The following THSD4 variants were observed in gnomAD, a reference collection of about 807,000 sequenced individuals.
THSD4 encodes the protein thrombospondin type 1 domain containing 4.
In THSD4, 69 loss-of-function variants were observed where a neutral mutation model predicts 119.0. The ratio of observed to expected loss-of-function variants is 0.58; its 90% CI spans 0.48 to 0.71. The LOEUF (loss-of-function observed/expected upper bound fraction) is 0.71, where lower values mean the gene tolerates loss of function less well. Among genes scored for constraint, THSD4 ranks in the 30% least tolerant of loss-of-function variants. THSD4 has a pLI of 0.00. For missense variants in THSD4, 1,393 were observed against 1,391.1 expected (o/e 1.00, Z -0.02); for synonymous variants, 524 against 540.4 (o/e 0.97, Z 0.42).
At chr15:71,752,654 C>G (rs1387854736) in intron 14 of THSD4, among the ~76,000 whole-genome samples, 1 of 152,176 alleles carries the variant, frequency 6.6e-6, no homozygotes, top group African/African-American at 2.4e-5. Context: ...CCTGAGCCAG[C>G]TACTGATTCA....
intron 1 of THSD4, chr15:71,110,223 G>A (rs2040293397): frequency 6.6e-6 from 1 of 152,240 alleles, no homozygotes; most frequent in Non-Finnish European, 1.5e-5. Context: ...CTCCCAGGAA[G>A]GAAAAGGCAG....
At chr15:71,566,737 C>G (rs965226282) in intron 7 of THSD4, among the ~76,000 whole-genome samples, 3 of 151,866 alleles carry the variant, frequency 2.0e-5, no homozygotes, top group African/African-American at 4.8e-5. Context: ...CCAGGGCCCC[C>G]CCTCTTTCCC....
At chr15:71,579,904 GT>G (rs138949303) in intron 7 of THSD4, among the ~76,000 whole-genome samples, 22 of 148,382 alleles carry the variant, frequency 1.5e-4, no homozygotes, top group East Asian at 7.8e-4. Context: ...AAACGGTGGG[GT>G]TTTTTTTTTG....
intron 6 of THSD4, among the ~76,000 whole-genome samples, chr15:71,373,012 G>A (rs966765943): frequency 2.0e-5 from 3 of 152,234 alleles, no homozygotes; most frequent in Admixed American, 2.0e-4. Context: ...CCTCTTTCTT[G>A]TTATCTCTTT....
At chr15:71,319,096 C>G (rs999974060) in intron 6 of THSD4, among the ~76,000 whole-genome samples, 20 of 152,226 alleles carry the variant, frequency 1.3e-4, no homozygotes, top group Non-Finnish European at 4.4e-5. Flanking sequence ...TTGCAAAATA[C>G]TTCTCTTAAG....
At chr15:71,327,173 A>C (rs1267147379) in intron 6 of THSD4, among the ~76,000 whole-genome samples, 1 of 152,138 alleles carries the variant, frequency 6.6e-6, no homozygotes, top group African/African-American at 2.4e-5. Context: ...TCTGAAAAAC[A>C]AAACAAAAAA....
At chr15:71,510,623 C>G (rs1567014743) in intron 7 of THSD4, among the ~76,000 whole-genome samples, 1 of 152,160 alleles carries the variant, frequency 6.6e-6, no homozygotes, top group African/African-American at 2.4e-5. Flanking sequence ...ATGCTGCTGC[C>G]TGGATTAGGG....
At chr15:71,538,225 A>T (rs1471473563) in intron 7 of THSD4, among the ~76,000 whole-genome samples, 1 of 152,206 alleles carries the variant, frequency 6.6e-6, no homozygotes, top group Non-Finnish European at 1.5e-5. Flanking sequence ...TTCCTTTTAC[A>T]GTTTTCATAC....
intron 3 of THSD4, among the ~76,000 whole-genome samples, chr15:71,177,839 G>A (rs376490173): frequency 1.1e-4 from 17 of 148,402 alleles, no homozygotes; most frequent in South Asian, 2.2e-4. Context: ...TTCAATATAC[G>A]CAAATCAATA....
chr15:71,492,659 G>A (rs564901570), intron 7 of THSD4, among the ~76,000 whole-genome samples: 2 of 152,116 alleles, frequency 1.3e-5, no homozygotes, highest in Non-Finnish European at 2.9e-5. Context: ...GAGCCTGAAA[G>A]AAGGAAGCTT....
At chr15:71,584,114 G>A (rs2049612270) in intron 7 of THSD4, among the ~76,000 whole-genome samples, 1 of 151,798 alleles carries the variant, frequency 6.6e-6, no homozygotes, top group Non-Finnish European at 1.5e-5. Context: ...ATATTCTCTT[G>A]ATGATTCTCT....
chr15:71,433,803 ATGGCC>A (rs2046971731), intron 7 of THSD4, among the ~76,000 whole-genome samples: 2 of 152,146 alleles, frequency 1.3e-5, no homozygotes, highest in Non-Finnish European at 2.9e-5. Context: ...CCTGTAGCTG[ATGGCC>A]CAGGTGCTGC....
At chr15:71,101,719 A>AT (rs570225032) in intron 1 of THSD4, among the ~76,000 whole-genome samples, 29,984 of 144,810 alleles carry the variant, frequency 0.21, 3,329 homozygotes, top group African/African-American at 0.31. Context: ...TTTCTTTTTT[A>AT]TTTTTTTTTT....
At chr15:71,238,904 C>T (rs1271878458) in intron 4 of THSD4, among the ~76,000 whole-genome samples, 1 of 152,182 alleles carries the variant, frequency 6.6e-6, no homozygotes, top group Non-Finnish European at 1.5e-5. Context: ...ATTTTACCTA[C>T]CCACTAGGAA....
chr15:71,695,509 T>TGC lies in THSD4; in HGVS notation c.1358-33039_1358-33038insCG, dbSNP rs1555442525. 9.4e-4 allele frequency among the ~76,000 whole-genome samples: 142 copies of TGC among 151,130 alleles called. No individual in the cohort carries two copies. In the Middle Eastern group the frequency reaches 0.01, roughly 11 times the overall value. On this transcript the variant is annotated intron_variant, in intron 8 of 17. Transcript: ENST00000261862. The stretch of plus-strand genomic sequence containing the variant: ...AAATATTTGTGTGTGTGCATGTGTG[T>TGC]GTGTGTGTGTGTGTGTGTGTGTGTT...
intron 3 of THSD4, among the ~76,000 whole-genome samples, chr15:71,191,888 C>CCTT (rs1049894416): frequency 6.0e-5 from 7 of 117,420 alleles, no homozygotes; most frequent in African/African-American, 1.8e-4. Flanking sequence ...CTATGCTTTG[C>CCTT]CTTCTTCTTC....
intron 7 of THSD4, among the ~76,000 whole-genome samples, chr15:71,539,304 C>T (rs1050432262): frequency 6.6e-6 from 1 of 152,248 alleles, no homozygotes; most frequent in Non-Finnish European, 1.5e-5. Context: ...TAGCCAGCTG[C>T]TTTCTTGACA....
intron 7 of THSD4, among the ~76,000 whole-genome samples, chr15:71,629,459 G>A (rs2050576768): frequency 6.6e-6 from 1 of 152,160 alleles, no homozygotes; most frequent in Non-Finnish European, 1.5e-5. Context: ...TTCCGCAGCT[G>A]CTGGGCCTCC....
chr15:71,604,254 T>C (rs34870784), intron 7 of THSD4, among the ~76,000 whole-genome samples: 14,442 of 152,264 alleles, frequency 0.095, 848 homozygotes, highest in Middle Eastern at 0.17. Context: ...TTCCTCCCAC[T>C]TTAGGAAGGC....
Sources: gnomAD v4.1 joint callset for allele counts (sites outside exome capture counted in the v4.1 genomes callset) on GRCh38, gnomAD v4.1.1 for gene constraint, MANE v1.5 for transcripts, NCBI Gene and HGNC (gene_info 2026-07-23, HGNC 2026-07-21) for gene names.